The following NIBAN1 variants were observed in gnomAD, a reference collection of about 807,000 sequenced individuals.
NIBAN1 encodes niban apoptosis regulator 1.
NIBAN1 carries 81 observed loss-of-function variants against 75.1 expected under a neutral mutation model. The ratio of observed to expected loss-of-function variants is 1.08; its 90% CI spans 0.90 to 1.30. The LOEUF (loss-of-function observed/expected upper bound fraction) is 1.30. NIBAN1 is among the 50% of genes most tolerant of loss of function. The probability of loss-of-function intolerance (pLI) is 0.00; values close to 1 mark genes in which losing one functional copy is unlikely to be tolerated. For synonymous variants in NIBAN1, 436 were observed against 424.8 expected, an observed-to-expected ratio of 1.03 and a Z score of -0.32; for missense variants, 1,133 against 1,128.1, an observed-to-expected ratio of 1.00 and a Z score of -0.06.
intron 5 of NIBAN1, among the ~76,000 whole-genome samples, chr1:184,881,302 G>A (rs914103573): frequency 2.6e-5 from 4 of 152,058 alleles, no homozygotes; most frequent in Non-Finnish European, 4.4e-5. Flanking sequence ...AATAGGAAAC[G>A]CCCACCCTAT....
At chr1:184,856,098 A>G (rs1655669322) in intron 5 of NIBAN1, among the ~76,000 whole-genome samples, 1 of 152,136 alleles carries the variant, frequency 6.6e-6, no homozygotes, top group African/African-American at 2.4e-5. Context: ...TTATTCCCAT[A>G]TTTTTCTAGT....
In NIBAN1 at chr1:184,974,467, C is replaced by G; in HGVS notation, c.-111G>C. Reference sequence around the variant, plus strand: ...GGCTCTGAAATTAAGAGCAAACTTCCTTCGAGAGGCGAGAGACAGGAGGCA... The same window carrying G: ...GGCTCTGAAATTAAGAGCAAACTTCGTTCGAGAGGCGAGAGACAGGAGGCA... On this transcript the variant is annotated 5_prime_UTR_variant, in exon 1 of 14. Coordinates refer to ENST00000367511, the MANE Select transcript of NIBAN1 (RefSeq NM_052966.4). 7.2e-7 allele frequency: 1 copy of G among 1,385,006 alleles called. No individual in the cohort carries two copies. Among genetic ancestry groups the G allele is most frequent in the Non-Finnish European group, 9.7e-7 (1 of 1,030,046 alleles). 85.8% of individuals were successfully genotyped at this position (1,385,006 alleles called of 1,614,324 possible).
Position 184,791,383 on chromosome 1 carries a change from T to C in NIBAN1, c.*3594A>G, listed in dbSNP as rs1471348461. The stretch of plus-strand genomic sequence containing the variant: ...GAATTGTGAAACCTTTTGAAATCAC[T>C]AGCTCTGACATAGAAGATTACCAGA... On this transcript the variant is annotated 3_prime_UTR_variant, in exon 14 of 14. Transcript: ENST00000367511. The C allele has an allele frequency of 6.4e-6, 1 of 156,906 alleles. No homozygotes were observed. Among genetic ancestry groups the C allele is most frequent in the African/African-American group, 2.4e-5 (1 of 41,482 alleles). The allele number at this position is 156,906 out of a possible 1,614,324, so 9.7% of individuals were successfully genotyped here.
rs16823470 is a variant in NIBAN1 at position 184,793,039 on chromosome 1, C to T, written c.*1938G>A. 4,689 of 152,202 alleles carry T rather than the reference C, an allele frequency of 0.031. 196 individuals are homozygous for T. The highest frequency in any genetic ancestry group is 0.098 in the African/African-American group (4,062 of 41,492). The allele number at this position is 152,202 out of a possible 1,614,324, so 9.4% of individuals were successfully genotyped here. A position where few individuals can be genotyped will look rare whatever the true frequency, so the allele number is the denominator to read the frequency against. ...CCTCAAAGACATGAGGATTTAAACACGCCAAGAAAAGTTGCAACAATTAAA... is the reference window on the plus strand; with the variant it reads ...CCTCAAAGACATGAGGATTTAAACATGCCAAGAAAAGTTGCAACAATTAAA... On this transcript the variant is annotated 3_prime_UTR_variant, in exon 14 of 14. Coordinates refer to ENST00000367511, the MANE Select transcript of NIBAN1 (RefSeq NM_052966.4).
At chr1:184,843,871 G>A (rs1196735169) in intron 5 of NIBAN1, among the ~76,000 whole-genome samples, 2 of 152,126 alleles carry the variant, frequency 1.3e-5, no homozygotes, top group Non-Finnish European at 2.9e-5. Flanking sequence ...GGCAGGTGTG[G>A]CCATCACACA....
intron 1 of NIBAN1, among the ~76,000 whole-genome samples, chr1:184,947,357 A>C (rs1658253045): frequency 6.6e-6 from 1 of 152,176 alleles, no homozygotes. Context: ...TCATAGATGG[A>C]AAGTGAAATA....
chr1:184,941,851 C>T (rs1361684920), intron 1 of NIBAN1, among the ~76,000 whole-genome samples: 2 of 152,170 alleles, frequency 1.3e-5, no homozygotes, highest in Admixed American at 6.5e-5. Context: ...CATGTTGCTG[C>T]AGTATTCTCA....
At chr1:184,870,211 C>T (rs1444280290) in intron 5 of NIBAN1, among the ~76,000 whole-genome samples, 1 of 152,154 alleles carries the variant, frequency 6.6e-6, no homozygotes, top group Admixed American at 6.5e-5. Flanking sequence ...TTTAAATAAC[C>T]TTAAATGAGT....
Position 184,791,035 on chromosome 1 carries a change from A to G in NIBAN1, c.*3942T>C. On this transcript the variant is annotated 3_prime_UTR_variant, in exon 14 of 14. Transcript: ENST00000367511. ...ATAAATGACATCTGGTCAGCTCTTC[A>G]AGGATGAACATTTTATTGGAATATA... The G allele has an allele frequency of 2.1e-6, 1 of 471,440 alleles. No individual in the cohort carries two copies. Among genetic ancestry groups the G allele is most frequent in the Non-Finnish European group, 4.4e-6 (1 of 227,078 alleles). 29.2% of individuals were successfully genotyped at this position (471,440 alleles called of 1,614,324 possible).
intron 5 of NIBAN1, among the ~76,000 whole-genome samples, chr1:184,854,388 A>G (rs976795512): frequency 6.6e-6 from 1 of 152,260 alleles, no homozygotes; most frequent in Non-Finnish European, 1.5e-5. Flanking sequence ...CATCAATTAC[A>G]TACATAGCAC....
intron 3 of NIBAN1, among the ~76,000 whole-genome samples, chr1:184,892,507 T>C (rs1282735635): frequency 6.6e-6 from 1 of 152,230 alleles, no homozygotes; most frequent in Non-Finnish European, 1.5e-5. Context: ...ATTGATACTT[T>C]GTTGCTGAGT....
intron 1 of NIBAN1, among the ~76,000 whole-genome samples, chr1:184,952,348 G>A (rs1235500421): frequency 6.6e-6 from 1 of 152,168 alleles, no homozygotes. Flanking sequence ...AGGTTGCAGT[G>A]AGCCATCGCA....
chr1:184,959,917 TA>T, intron 1 of NIBAN1, among the ~76,000 whole-genome samples: 1 of 152,360 alleles, frequency 6.6e-6, no homozygotes, highest in Non-Finnish European at 1.5e-5. Flanking sequence ...AATAAGCTTT[TA>T]CTTGTTTAAT....
intron 1 of NIBAN1, among the ~76,000 whole-genome samples, chr1:184,959,438 T>G (rs953353861): frequency 2.0e-5 from 3 of 152,234 alleles, no homozygotes; most frequent in African/African-American, 7.2e-5. Context: ...ATATAATGAC[T>G]GCTTTACCAT....
At chr1:184,922,322 T>C (rs190260661) in intron 1 of NIBAN1, among the ~76,000 whole-genome samples, 178 of 152,328 alleles carry the variant, frequency 1.2e-3, no homozygotes, top group African/African-American at 4.0e-3. Context: ...TGTTATACTA[T>C]CAAATACTAG....
intron 1 of NIBAN1, among the ~76,000 whole-genome samples, chr1:184,949,105 G>A (rs980342155): frequency 6.6e-6 from 1 of 152,108 alleles, no homozygotes; most frequent in African/African-American, 2.4e-5. Context: ...GGAATATTCA[G>A]CACTTTGGGA....
At chr1:184,883,662 C>T (rs1483006007) in intron 5 of NIBAN1, among the ~76,000 whole-genome samples, 3 of 152,194 alleles carry the variant, frequency 2.0e-5, no homozygotes, top group Non-Finnish European at 2.9e-5. Flanking sequence ...GGGTGGTTCG[C>T]GAACCAGCAG....
At chr1:184,943,421 T>C (rs183933414) in intron 1 of NIBAN1, among the ~76,000 whole-genome samples, 119 of 152,320 alleles carry the variant, frequency 7.8e-4, no homozygotes, top group African/African-American at 2.8e-3. Flanking sequence ...AACTTTAGTC[T>C]CCCAATGCAC....
chr1:184,899,367 C>A, intron 1 of NIBAN1, 58 bp from the exon 2 acceptor site: 3 of 1,573,482 alleles, frequency 1.9e-6, no homozygotes, highest in Non-Finnish European at 2.6e-6. Context: ...CACCTATCTA[C>A]AGAGTTCCAA....
Sources: gnomAD v4.1 joint callset for allele counts (sites outside exome capture counted in the v4.1 genomes callset) on GRCh38, gnomAD v4.1.1 for gene constraint, MANE v1.5 for transcripts, NCBI Gene and HGNC (gene_info 2026-07-23, HGNC 2026-07-21) for gene names.